RBMS3: variants seen among roughly 807,000 people sequenced by gnomAD.
The protein encoded by RBMS3 is RNA binding motif single stranded interacting protein 3.
RBMS3 carries 27 observed loss-of-function variants against 66.8 expected under a neutral mutation model. The observed-to-expected ratio is 0.40, with a 90% CI of 0.30 to 0.56. The LOEUF is 0.56. Among genes scored for constraint, RBMS3 ranks in the 20% least tolerant of loss-of-function variants. The probability of loss-of-function intolerance (pLI) is 0.40; values close to 1 mark genes in which losing one functional copy is unlikely to be tolerated. For synonymous variants in RBMS3, 188 were observed against 183.0 expected (o/e 1.03, Z -0.22); for missense variants, 513 against 549.5 (o/e 0.93, Z 0.66).
At chr3:29,437,351 G>T (rs1002611574) in intron 2 of RBMS3, among the ~76,000 whole-genome samples, 2 of 152,196 alleles carry the variant, frequency 1.3e-5, no homozygotes, top group Non-Finnish European at 2.9e-5. Flanking sequence ...TTTTGTAAAT[G>T]GAAATTATTA....
At position 29,991,162 on chromosome 3, in the gene RBMS3, G is replaced by GGACACATCC; in HGVS notation, c.1261_1269dup (p.Asp421_Ser423dup). ...GTGGTCAGCAGCAACAGATAGCAGT[G>GGACACATCC]GACACATCCAACGAACATGCACCTG... On this transcript the variant is annotated inframe_insertion, in exon 14 of 15. Coordinates refer to ENST00000383767, the MANE Select transcript of RBMS3 (RefSeq NM_001003793.3). 6.2e-7 allele frequency: 1 copy of GGACACATCC among 1,614,062 alleles called. No individual in the cohort carries two copies. The highest frequency in any genetic ancestry group is 8.5e-7 in the Non-Finnish European group (1 of 1,180,012).
chr3:29,580,682 T>TA (rs574348812), intron 3 of RBMS3, among the ~76,000 whole-genome samples: 1 of 147,660 alleles, frequency 6.8e-6, no homozygotes, highest in East Asian at 2.0e-4. Flanking sequence ...AATTTAATAA[T>TA]ATAATAATAA....
intron 4 of RBMS3, among the ~76,000 whole-genome samples, chr3:29,643,947 A>G (rs570288097): frequency 9.2e-5 from 14 of 152,314 alleles, no homozygotes; most frequent in African/African-American, 3.4e-4. Flanking sequence ...ATAATTTCAT[A>G]TTAGTCCTGT....
At chr3:29,753,745 T>C (rs190811255) in intron 5 of RBMS3, among the ~76,000 whole-genome samples, 10 of 152,294 alleles carry the variant, frequency 6.6e-5, no homozygotes, top group Admixed American at 5.2e-4. Context: ...CCCATAATCA[T>C]ATTTCCTTTT....
chr3:29,299,154 A>G (rs2033495145), intron 1 of RBMS3, among the ~76,000 whole-genome samples: 1 of 151,912 alleles, frequency 6.6e-6, no homozygotes, highest in South Asian at 2.1e-4. Flanking sequence ...ATAGTTGGGC[A>G]TTTGGTATAT....
intron 3 of RBMS3, among the ~76,000 whole-genome samples, chr3:29,513,472 G>C (rs531985766): frequency 6.6e-6 from 1 of 152,192 alleles, no homozygotes; most frequent in Admixed American, 6.5e-5. Flanking sequence ...TGGGAACTGA[G>C]ATTAGGAAGT....
chr3:29,943,181 G>T (rs1028594005), intron 11 of RBMS3, among the ~76,000 whole-genome samples: 11 of 151,740 alleles, frequency 7.2e-5, no homozygotes, highest in Admixed American at 6.6e-4. Flanking sequence ...TTGTCACATG[G>T]GTGGAAAAAG....
chr3:29,498,012 G>GTTT (rs1457527325), intron 3 of RBMS3, among the ~76,000 whole-genome samples: 2 of 83,684 alleles, frequency 2.4e-5, no homozygotes, highest in Non-Finnish European at 4.7e-5. Flanking sequence ...TTTTTTTTTG[G>GTTT]GAGACAGAGT....
intron 4 of RBMS3, among the ~76,000 whole-genome samples, chr3:29,630,396 A>G (rs1240847582): frequency 1.3e-5 from 2 of 152,012 alleles, no homozygotes; most frequent in African/African-American, 2.4e-5. Flanking sequence ...CTATTATTCC[A>G]AATAATGAGC....
intron 3 of RBMS3, among the ~76,000 whole-genome samples, chr3:29,494,514 G>A (rs1003657682): frequency 6.6e-6 from 1 of 152,042 alleles, no homozygotes; most frequent in South Asian, 2.1e-4. Context: ...CTCCAGATGG[G>A]GAGTAATGAA....
Position 29,652,532 on chromosome 3 carries a change from G to A in RBMS3, c.399+65327G>A, listed in dbSNP as rs148133078. 5.7e-4 allele frequency among the ~76,000 whole-genome samples: 86 copies of A among 152,162 alleles called. 1 individual carries two copies. The East Asian group carries it at 0.015, about 26-fold the overall frequency. On this transcript the variant is annotated intron_variant, in intron 4 of 14. Transcript: ENST00000383767. ...CTCCTGCTAGTGATCTTGGGGAGGA[G>A]TTGACTAAGAGGCTATAGCAGAATT...
At chr3:29,473,877 G>A (rs1217839517) in intron 2 of RBMS3, among the ~76,000 whole-genome samples, 2 of 152,346 alleles carry the variant, frequency 1.3e-5, no homozygotes, top group Admixed American at 1.3e-4. Flanking sequence ...TCCCGCTCGC[G>A]CCTCTCCCTC....
chr3:29,935,668 A>G (rs113246562), intron 10 of RBMS3, among the ~76,000 whole-genome samples: 15 of 152,256 alleles, frequency 9.9e-5, no homozygotes, highest in African/African-American at 3.6e-4. Context: ...TTATGTATGT[A>G]TTAATAAGTA....
At chr3:29,856,883 A>G (rs1053990097) in intron 6 of RBMS3, among the ~76,000 whole-genome samples, 4 of 151,736 alleles carry the variant, frequency 2.6e-5, no homozygotes, top group African/African-American at 9.7e-5. Context: ...TCCTTGAAAA[A>G]CTCAGTTTCT....
chr3:29,383,049 T>C (rs1218490798), intron 1 of RBMS3, among the ~76,000 whole-genome samples: 1 of 152,180 alleles, frequency 6.6e-6, no homozygotes, highest in Non-Finnish European at 1.5e-5. Context: ...TGGGGAAATA[T>C]ACCCTTCATC....
intron 1 of RBMS3, among the ~76,000 whole-genome samples, chr3:29,311,993 A>G (rs1197367992): frequency 6.6e-6 from 1 of 151,792 alleles, no homozygotes; most frequent in African/African-American, 2.4e-5. Context: ...GCTGTGAAGC[A>G]CACTTTGAAA....
intron 11 of RBMS3, among the ~76,000 whole-genome samples, chr3:29,938,432 T>C (rs1469328538): frequency 6.6e-6 from 1 of 151,972 alleles, no homozygotes; most frequent in Non-Finnish European, 1.5e-5. Flanking sequence ...CTTAGATACA[T>C]TATAAGATTT....
chr3:29,408,907 A>G (rs1176091293), intron 1 of RBMS3, among the ~76,000 whole-genome samples: 1 of 152,178 alleles, frequency 6.6e-6, no homozygotes, highest in African/African-American at 2.4e-5. Context: ...CCTTTCTTTT[A>G]AGGATGCAAT....
chr3:29,735,559 A>T (rs718634), intron 4 of RBMS3, among the ~76,000 whole-genome samples: 1 of 151,968 alleles, frequency 6.6e-6, no homozygotes. Flanking sequence ...ATACACTGCA[A>T]AATATTCATT....
Sources: allele counts gnomAD v4.1 joint callset (sites outside exome capture counted in the v4.1 genomes callset), GRCh38; gene constraint gnomAD v4.1.1; transcripts MANE v1.5; gene names NCBI Gene and HGNC (gene_info 2026-07-23, HGNC 2026-07-21).